CHST11: variants seen among roughly 807,000 people sequenced by gnomAD.
CHST11 encodes carbohydrate sulfotransferase 11.
A neutral mutation model predicts 30.4 loss-of-function variants in CHST11; 9 were observed. The observed-to-expected ratio is 0.30, with a 90% CI of 0.18 to 0.52. The LOEUF (loss-of-function observed/expected upper bound fraction) is 0.52. CHST11 is among the 20% of genes least tolerant of loss of function. The pLI, the probability that CHST11 is intolerant of heterozygous loss-of-function variation, is 0.97. For synonymous variants in CHST11, 152 were observed against 187.8 expected, an observed-to-expected ratio of 0.81 and a Z score of 1.56; for missense variants, 348 against 460.6, an observed-to-expected ratio of 0.76 and a Z score of 2.24.
intron 1 of CHST11, among the ~76,000 whole-genome samples, chr12:104,497,663 C>G (rs1694709536): frequency 6.6e-6 from 1 of 152,160 alleles, no homozygotes; most frequent in Non-Finnish European, 1.5e-5. Context: ...CCATGAGGAA[C>G]CAAAGTCTCT....
chr12:104,639,273 G>C (rs1015644171), intron 2 of CHST11, among the ~76,000 whole-genome samples: 2 of 152,164 alleles, frequency 1.3e-5, no homozygotes, highest in Admixed American at 6.5e-5. Context: ...TGAAGATTAA[G>C]ATGGCAAAAT....
chr12:104,670,559 A>G (rs955888649), intron 2 of CHST11, among the ~76,000 whole-genome samples: 2 of 151,522 alleles, frequency 1.3e-5, no homozygotes, highest in Admixed American at 6.6e-5. Flanking sequence ...ACTCCCACAC[A>G]TACACACCCA....
Position 104,757,896 on chromosome 12 carries a change from A to G in CHST11, c.*93A>G. 7.6e-7 allele frequency: 1 copy of G among 1,307,610 alleles called. No homozygotes were observed. The highest frequency in any genetic ancestry group is 1.0e-6 in the Non-Finnish European group (1 of 960,774). The allele number at this position is 1,307,610 out of a possible 1,614,324, so 81.0% of individuals were successfully genotyped here. ...TGGATATTGGGTTATTTTGTAAATT[A>G]ATATTTCTTTGGGGATGATGCTGCG... On this transcript the variant is annotated 3_prime_UTR_variant, in exon 3 of 3. Coordinates refer to ENST00000303694, the MANE Select transcript of CHST11 (RefSeq NM_018413.6). This position sits in a 1 kb window ranked among gnomAD's most constrained non-coding sequence, Gnocchi z 6.5.
intron 2 of CHST11, among the ~76,000 whole-genome samples, chr12:104,622,291 A>G (rs80267928): frequency 0.032 from 4,912 of 152,288 alleles, 219 homozygotes; most frequent in South Asian, 0.12. Context: ...AGTTTTGTGG[A>G]TGGGTTCCTA....
intron 1 of CHST11, among the ~76,000 whole-genome samples, chr12:104,472,015 C>A (rs2037514237): frequency 6.6e-6 from 1 of 152,126 alleles, no homozygotes; most frequent in South Asian, 2.1e-4. Context: ...GGCTGGAATG[C>A]AGTGGCATGA....
Position 104,475,613 on chromosome 12 carries a change from A to G in CHST11, c.118+18084A>G, listed in dbSNP as rs191202376. On this transcript the variant is annotated intron_variant, in intron 1 of 2. Coordinates refer to ENST00000303694, the MANE Select transcript of CHST11 (RefSeq NM_018413.6). ...TGGTGGCCCCACTGGCTCCTTCACC[A>G]TCATCTCCCTCCCCTGCCCTATGAT... Among the ~76,000 whole-genome samples the G allele has an allele frequency of 3.4e-3, 455 of 134,326 alleles. 5 individuals are homozygous for G. The highest frequency in any genetic ancestry group is 0.011 in the African/African-American group (405 of 37,688). 88.1% of individuals were successfully genotyped at this position (134,326 alleles called of 152,430 possible). A position where few individuals can be genotyped will look rare whatever the true frequency, so the allele number is the denominator to read the frequency against.
chr12:104,537,769 C>T (rs760776676), intron 1 of CHST11, among the ~76,000 whole-genome samples: 5 of 146,188 alleles, frequency 3.4e-5, no homozygotes, highest in Non-Finnish European at 7.4e-5. Context: ...CATCATGGCT[C>T]ACTACAGCCT....
Position 104,490,676 on chromosome 12 carries a change from C to A in CHST11, c.118+33147C>A, listed in dbSNP as rs537374541. On this transcript the variant is annotated intron_variant, in intron 1 of 2. Coordinates refer to ENST00000303694, the MANE Select transcript of CHST11 (RefSeq NM_018413.6). Reference sequence around the variant, plus strand: ...GAACCTGCTGTTGCTGAACATTGGTCAGGGGAATTTGAGAAGTGGAAAGTG... The same window carrying A: ...GAACCTGCTGTTGCTGAACATTGGTAAGGGGAATTTGAGAAGTGGAAAGTG... 9.9e-4 allele frequency among the ~76,000 whole-genome samples: 150 copies of A among 152,206 alleles called. 1 individual carries two copies. Among genetic ancestry groups the A allele is most frequent in the African/African-American group, 3.4e-3 (142 of 41,514 alleles).
intron 2 of CHST11, among the ~76,000 whole-genome samples, chr12:104,611,046 G>A (rs1592792691): frequency 6.6e-6 from 1 of 151,988 alleles, no homozygotes; most frequent in South Asian, 2.1e-4. Context: ...TCCAAGCTCC[G>A]GTGAAATGTC....
At chr12:104,464,067 CTTT>C (rs35504512) in intron 1 of CHST11, among the ~76,000 whole-genome samples, 2 of 134,982 alleles carry the variant, frequency 1.5e-5, no homozygotes, top group African/African-American at 2.8e-5. Context: ...CCTACTTGCA[CTTT>C]TTTTTTTTTT....
intron 2 of CHST11, among the ~76,000 whole-genome samples, chr12:104,659,945 G>A (rs907351735): frequency 7.9e-5 from 12 of 151,694 alleles, no homozygotes; most frequent in African/African-American, 2.4e-4. Context: ...TGGCACTGCC[G>A]CACTCCAGCC....
At chr12:104,726,920 TGGATAGAGTAAGGA>T (rs1347454358) in intron 2 of CHST11, among the ~76,000 whole-genome samples, 7 of 152,096 alleles carry the variant, frequency 4.6e-5, no homozygotes, top group Non-Finnish European at 7.3e-5. Context: ...TAAATATTGG[TGGATAGAGTAAGGA>T]GGCTATTAGG....
chr12:104,662,398 C>G (rs1489101190), intron 2 of CHST11, among the ~76,000 whole-genome samples: 3 of 152,204 alleles, frequency 2.0e-5, no homozygotes, highest in Admixed American at 2.0e-4. Context: ...AATGGCAGAA[C>G]TCCATAGAAT....
intron 1 of CHST11, among the ~76,000 whole-genome samples, chr12:104,483,447 C>A (rs548754530): frequency 6.6e-6 from 1 of 152,160 alleles, no homozygotes; most frequent in Non-Finnish European, 1.5e-5. Flanking sequence ...CTCAGGTGAT[C>A]GGCCTGCCTC....
chr12:104,731,293 AC>A (rs1445447725), intron 2 of CHST11, among the ~76,000 whole-genome samples: 11 of 152,206 alleles, frequency 7.2e-5, no homozygotes, highest in African/African-American at 2.4e-4. Context: ...GGACACTCCC[AC>A]CAGCAAACTA....
rs535911935 is a variant in CHST11 at position 104,574,608 on chromosome 12, G to C, written c.119-27298G>C. Among the ~76,000 whole-genome samples, 299 of 151,148 alleles carry C rather than the reference G, an allele frequency of 2.0e-3. 1 individual carries two copies. Among genetic ancestry groups the C allele is most frequent in the African/African-American group, 7.0e-3 (288 of 41,162 alleles). ...ATCATTCTCAGCAAACTATCGCAAGGACAAAAAACCAAACACCGCATGTTC... is the reference window on the plus strand; with the variant it reads ...ATCATTCTCAGCAAACTATCGCAAGCACAAAAAACCAAACACCGCATGTTC... On this transcript the variant is annotated intron_variant, in intron 1 of 2. Coordinates refer to ENST00000303694, the MANE Select transcript of CHST11 (RefSeq NM_018413.6).
intron 1 of CHST11, among the ~76,000 whole-genome samples, chr12:104,459,146 T>G (rs2037383734): frequency 1.3e-5 from 2 of 152,212 alleles, no homozygotes. Context: ...TACAGCGGTG[T>G]TTGTCTCCTC....
intron 1 of CHST11, among the ~76,000 whole-genome samples, chr12:104,467,426 G>T (rs2037470258): frequency 6.6e-6 from 1 of 152,180 alleles, no homozygotes; most frequent in Non-Finnish European, 1.5e-5. Context: ...GACCTGCCTT[G>T]AATGTCATTG....
At chr12:104,671,486 A>G (rs957172446) in intron 2 of CHST11, among the ~76,000 whole-genome samples, 5 of 152,076 alleles carry the variant, frequency 3.3e-5, no homozygotes, top group Admixed American at 1.3e-4. Context: ...CAGCGCGATC[A>G]TGGTTTTGAT....
Sources: gnomAD v4.1 joint callset for allele counts (sites outside exome capture counted in the v4.1 genomes callset) on GRCh38, gnomAD v4.1.1 for gene constraint, Gnocchi (gnomAD v3.1) non-coding constraint, MANE v1.5 for transcripts, NCBI Gene and HGNC (gene_info 2026-07-23, HGNC 2026-07-21) for gene names.